The following COL24A1 variants were observed in gnomAD, a reference collection of about 807,000 sequenced individuals.
The protein encoded by COL24A1 is collagen type XXIV alpha 1 chain.
In COL24A1, 224 loss-of-function variants were observed where a neutral mutation model predicts 253.9. That is an observed-to-expected ratio of 0.88 (90% CI 0.79 to 0.99). The LOEUF (loss-of-function observed/expected upper bound fraction) is 0.99, where lower values mean the gene tolerates loss of function less well. Ranked by LOEUF, COL24A1 falls within the 50% of genes least tolerant of loss-of-function variation. The pLI, the probability that COL24A1 is intolerant of heterozygous loss-of-function variation, is 0.00. For synonymous variants in COL24A1, 685 were observed against 673.7 expected, an observed-to-expected ratio of 1.02 and a Z score of -0.26; for missense variants, 2,131 against 2,068.5, an observed-to-expected ratio of 1.03 and a Z score of -0.59.
At chr1:85,799,144 T>C (rs941648288) in intron 47 of COL24A1, among the ~76,000 whole-genome samples, 1 of 149,872 alleles carries the variant, frequency 6.7e-6, no homozygotes, top group Non-Finnish European at 1.5e-5. Flanking sequence ...TACAGTCACA[T>C]GATCTTGAAA....
At chr1:85,842,510 C>A in intron 39 of COL24A1, 117 bp from the exon 40 acceptor site, 3 of 737,534 alleles carry the variant, frequency 4.1e-6, no homozygotes, top group South Asian at 4.1e-5. Context: ...TTGAAATTTA[C>A]CTAGTTTGAA....
intron 32 of COL24A1, among the ~76,000 whole-genome samples, chr1:85,885,902 T>C (rs1379755592): frequency 1.3e-5 from 2 of 152,210 alleles, no homozygotes; most frequent in African/African-American, 4.8e-5. Context: ...GAATGAGAAC[T>C]CTGTCTTTAT....
At chr1:86,117,972 G>T (rs1433474815) in intron 3 of COL24A1, among the ~76,000 whole-genome samples, 1 of 152,140 alleles carries the variant, frequency 6.6e-6, no homozygotes, top group African/African-American at 2.4e-5. Flanking sequence ...TTACCTTTCA[G>T]GGTTATTGTG....
chr1:85,902,036 A>C (rs1392411345), intron 28 of COL24A1, among the ~76,000 whole-genome samples: 1 of 152,110 alleles, frequency 6.6e-6, no homozygotes, highest in African/African-American at 2.4e-5. Context: ...TACACAATGG[A>C]ATAATTTGTA....
chr1:85,966,787 G>T (rs907123224), intron 22 of COL24A1, among the ~76,000 whole-genome samples: 12 of 152,088 alleles, frequency 7.9e-5, no homozygotes, highest in African/African-American at 2.9e-4. Flanking sequence ...TATTGTAGTG[G>T]TGGGAACAAA....
At chr1:85,783,615 A>G in intron 50 of COL24A1, 57 bp from the exon 51 acceptor site, 3 of 1,422,960 alleles carry the variant, frequency 2.1e-6, no homozygotes, top group Non-Finnish European at 3.0e-6. Context: ...TGAACATTTT[A>G]CAAAACTATA....
intron 37 of COL24A1, among the ~76,000 whole-genome samples, chr1:85,868,290 T>C (rs1680013888): frequency 6.6e-6 from 1 of 152,210 alleles, no homozygotes; most frequent in Non-Finnish European, 1.5e-5. Context: ...CCTTTATAAA[T>C]GCTTTATGAC....
intron 43 of COL24A1, among the ~76,000 whole-genome samples, chr1:85,835,609 A>G (rs1464855259): frequency 1.3e-5 from 2 of 152,212 alleles, no homozygotes; most frequent in Non-Finnish European, 1.5e-5. Context: ...AAATATTGAT[A>G]TATTTTATAA....
intron 32 of COL24A1, among the ~76,000 whole-genome samples, chr1:85,880,679 T>C (rs185169433): frequency 6.6e-6 from 1 of 152,006 alleles, no homozygotes; most frequent in African/African-American, 2.4e-5. Context: ...AAAAAATATG[T>C]TTTTCAAAAA....
intron 12 of COL24A1, chr1:86,045,703 A>C (rs1322906671): frequency 6.7e-6 from 2 of 300,518 alleles, no homozygotes; most frequent in Non-Finnish European, 1.3e-5. Context: ...TGTTATAACC[A>C]TTATAAGATT....
intron 32 of COL24A1, among the ~76,000 whole-genome samples, chr1:85,885,262 G>A (rs1053918072): frequency 3.3e-5 from 5 of 151,682 alleles, no homozygotes; most frequent in South Asian, 2.1e-4. Flanking sequence ...GTGCAGTGGC[G>A]CGATCTCGGC....
chr1:85,900,242 A>G (rs918150266), intron 28 of COL24A1, among the ~76,000 whole-genome samples: 1 of 152,230 alleles, frequency 6.6e-6, no homozygotes, highest in African/African-American at 2.4e-5. Context: ...AGAGATAGAA[A>G]AAAAATCCTA....
chr1:86,053,300 T>A (rs1700445057), intron 10 of COL24A1, among the ~76,000 whole-genome samples: 1 of 152,036 alleles, frequency 6.6e-6, no homozygotes, highest in Admixed American at 6.6e-5. Flanking sequence ...AATAATCAAT[T>A]GATAACTCAA....
intron 37 of COL24A1, among the ~76,000 whole-genome samples, chr1:85,854,203 C>T (rs1337263584): frequency 6.6e-6 from 1 of 152,148 alleles, no homozygotes; most frequent in Non-Finnish European, 1.5e-5. Context: ...TATCCCAGCA[C>T]CATCTACTGA....
rs2102493000 is a variant in COL24A1 at position 86,156,686 on chromosome 1, C to T, written c.-290G>A. 3.6e-6 allele frequency: 1 copy of T among 280,740 alleles called. No homozygotes were observed. The highest frequency in any genetic ancestry group is 9.9e-5 in the South Asian group (1 of 10,084). 17.4% of individuals were successfully genotyped at this position (280,740 alleles called of 1,614,324 possible). ...GAGGAGGTAAACCTCACTGGGAGGCCTCGGGGCGCCGGCGGCAGCGGGAGC... is the reference window on the plus strand; with the variant it reads ...GAGGAGGTAAACCTCACTGGGAGGCTTCGGGGCGCCGGCGGCAGCGGGAGC... On this transcript the variant is annotated 5_prime_UTR_variant, in exon 1 of 60. Transcript: ENST00000370571.
chr1:85,734,902 G>T lies in COL24A1; in HGVS notation c.4845C>A (p.Thr1615=). The T allele has an allele frequency of 6.2e-7, 1 of 1,614,158 alleles. No homozygotes were observed. Among genetic ancestry groups the T allele is most frequent in the Non-Finnish European group, 8.5e-7 (1 of 1,180,028 alleles). ...TTAGACAGTGAATGGTGATGATATGGGTGGCTTCCGAACTCAGTAAATGAA... is the reference window on the plus strand; with the variant it reads ...TTAGACAGTGAATGGTGATGATATGTGTGGCTTCCGAACTCAGTAAATGAA... ...NFLHLLSSEA[T]HIITIHCLNT... is the part of the protein sequence containing the mutation. The change falls in exon 59 of 60, where the codon ACC becomes ACA. Residue 1615 remains threonine (T), a synonymous_variant. Coordinates refer to ENST00000370571, the MANE Select transcript of COL24A1 (RefSeq NM_152890.7).
intron 57 of COL24A1, among the ~76,000 whole-genome samples, chr1:85,741,082 G>A (rs1197467027): frequency 6.7e-6 from 1 of 148,248 alleles, no homozygotes; most frequent in Admixed American, 6.7e-5. Flanking sequence ...TCGAGCCACT[G>A]CACTCCAGCC....
chr1:85,866,487 T>G (rs1219903681), intron 37 of COL24A1, among the ~76,000 whole-genome samples: 1 of 151,938 alleles, frequency 6.6e-6, no homozygotes, highest in African/African-American at 2.4e-5. Flanking sequence ...TAAGATAATT[T>G]TGGGAGCTGG....
intron 43 of COL24A1, among the ~76,000 whole-genome samples, chr1:85,829,688 G>C (rs1674915854): frequency 6.6e-6 from 1 of 151,834 alleles, no homozygotes. Context: ...TTCCATCACT[G>C]CTACCCTTTC....
Sources: gnomAD v4.1 joint callset for allele counts (sites outside exome capture counted in the v4.1 genomes callset) on GRCh38, gnomAD v4.1.1 for gene constraint, MANE v1.5 for transcripts, NCBI Gene and HGNC (gene_info 2026-07-23, HGNC 2026-07-21) for gene names.